TRIT1: variants seen among roughly 807,000 people sequenced by gnomAD.
TRIT1 encodes the protein tRNA dimethylallyltransferase.
A neutral mutation model predicts 51.2 loss-of-function variants in TRIT1; 43 were observed. The ratio of observed to expected loss-of-function variants is 0.84; its 90% CI spans 0.66 to 1.08. The LOEUF is 1.08. Ranked by LOEUF, TRIT1 falls within the 50% of genes least tolerant of loss-of-function variation. The probability of loss-of-function intolerance (pLI) is 0.00; values close to 1 mark genes in which losing one functional copy is unlikely to be tolerated. For missense variants in TRIT1, 528 were observed against 578.4 expected (o/e 0.91, Z 0.89); for synonymous variants, 184 against 203.9 (o/e 0.90, Z 0.83).
At chr1:39,859,682 C>T (rs1401456244) in intron 1 of TRIT1, among the ~76,000 whole-genome samples, 1 of 151,964 alleles carries the variant, frequency 6.6e-6, no homozygotes, top group Non-Finnish European at 1.5e-5. Flanking sequence ...TCTCACAGCC[C>T]TTGGTTGGCT....
intron 1 of TRIT1, among the ~76,000 whole-genome samples, chr1:39,865,659 ACT>A (rs1225584434): frequency 7.6e-6 from 1 of 132,260 alleles, no homozygotes; most frequent in African/African-American, 3.0e-5. Context: ...ACATTGTGAG[ACT>A]CTGTCTCTAC....
intron 8 of TRIT1, among the ~76,000 whole-genome samples, chr1:39,845,685 T>G (rs969006312): frequency 1.7e-4 from 26 of 152,344 alleles, no homozygotes; most frequent in Admixed American, 8.5e-4. Context: ...TTGTTGGGCT[T>G]CTGTGCCCTG....
At chr1:39,845,029 G>A (rs1424877470) in intron 8 of TRIT1, among the ~76,000 whole-genome samples, 1 of 152,192 alleles carries the variant, frequency 6.6e-6, no homozygotes, top group African/African-American at 2.4e-5. Context: ...GGCGATCTGT[G>A]GCAAGAGAAT....
chr1:39,851,679 A>C (rs1273797170), intron 4 of TRIT1, among the ~76,000 whole-genome samples: 1 of 152,170 alleles, frequency 6.6e-6, no homozygotes, highest in East Asian at 1.9e-4. Context: ...ACTGTGGCTC[A>C]TGACTATAAT....
At chr1:39,862,363 A>C in intron 1 of TRIT1, among the ~76,000 whole-genome samples, 1 of 152,264 alleles carries the variant, frequency 6.6e-6, no homozygotes, top group Admixed American at 6.5e-5. Flanking sequence ...CACAATAAGA[A>C]ACTAGTGAAT....
Position 39,838,278 on chromosome 1 carries a change from A to G in TRIT1, c.*3466T>C, listed in dbSNP as rs946532377. 2.1e-4 allele frequency among the ~76,000 whole-genome samples: 32 copies of G among 152,184 alleles called. No homozygotes were observed. The highest frequency in any genetic ancestry group is 7.5e-4 in the African/African-American group (31 of 41,432). ...AATTCCTGCTGGTGGCTATCCCAAA[A>G]TTTCTTCATCCTGGTTAAAAAGTAT... is the stretch of plus-strand genomic sequence containing the variant. On this transcript the variant is annotated 3_prime_UTR_variant, in exon 11 of 11. Coordinates refer to ENST00000316891, the MANE Select transcript of TRIT1 (RefSeq NM_017646.6).
At chr1:39,850,380 C>G (rs914235543) in intron 4 of TRIT1, 119 bp from the exon 5 acceptor site, 1 of 1,283,132 alleles carries the variant, frequency 7.8e-7, no homozygotes, top group Non-Finnish European at 1.1e-6. Context: ...TCTTGAAAGC[C>G]AGTCACGACA....
At chr1:39,843,492 G>A (rs542285697) in intron 10 of TRIT1, among the ~76,000 whole-genome samples, 1 of 152,280 alleles carries the variant, frequency 6.6e-6, no homozygotes, top group African/African-American at 2.4e-5. Context: ...GCCTTAGGGT[G>A]GGGCTGGCCC....
chr1:39,868,854 G>A (rs1643700107), intron 1 of TRIT1, among the ~76,000 whole-genome samples: 1 of 152,068 alleles, frequency 6.6e-6, no homozygotes, highest in Non-Finnish European at 1.5e-5. Context: ...GAGGTCAGGA[G>A]TTCTAGACCA....
At chr1:39,864,683 T>C (rs549597220) in intron 1 of TRIT1, among the ~76,000 whole-genome samples, 1 of 151,976 alleles carries the variant, frequency 6.6e-6, no homozygotes, top group South Asian at 2.1e-4. Context: ...AAATTTCACC[T>C]TGCAGATACT....
At position 39,841,738 on chromosome 1, in the gene TRIT1, T is replaced by G. The variant is rs1641917174; in HGVS notation, c.*6A>C. 6.2e-7 allele frequency: 1 copy of G among 1,606,470 alleles called. No individual in the cohort carries two copies. Among genetic ancestry groups the G allele is most frequent in the East Asian group, 2.2e-5 (1 of 44,736 alleles). The stretch of plus-strand genomic sequence containing the variant: ...CCACCTTTCCAAAGGCCACTGGACA[T>G]GTCTCTTAAACGCTGCATTTCAGCT... On this transcript the variant is annotated 3_prime_UTR_variant, in exon 11 of 11. Coordinates refer to ENST00000316891, the MANE Select transcript of TRIT1 (RefSeq NM_017646.6).
chr1:39,848,827 A>C (rs188308059), intron 5 of TRIT1, among the ~76,000 whole-genome samples: 105 of 144,250 alleles, frequency 7.3e-4, no homozygotes, highest in Non-Finnish European at 1.4e-3. Context: ...TGTCTCAAAC[A>C]AAAAAAAAAG....
At chr1:39,869,618 G>A (rs1643762698) in intron 1 of TRIT1, among the ~76,000 whole-genome samples, 1 of 151,868 alleles carries the variant, frequency 6.6e-6, no homozygotes, top group Non-Finnish European at 1.5e-5. Context: ...GGGAAGTGAG[G>A]AGCGCCTCTT....
chr1:39,866,757 A>G (rs1643580969), intron 1 of TRIT1, among the ~76,000 whole-genome samples: 1 of 152,164 alleles, frequency 6.6e-6, no homozygotes, highest in Non-Finnish European at 1.5e-5. Context: ...GGATCGCTTG[A>G]GCTCAGGAGT....
At chr1:39,878,489 C>G (rs1044548021) in intron 1 of TRIT1, among the ~76,000 whole-genome samples, 2 of 152,262 alleles carry the variant, frequency 1.3e-5, no homozygotes, top group Admixed American at 6.5e-5. Flanking sequence ...GTATGAAGTA[C>G]GAGACAATTT....
Position 39,841,211 on chromosome 1 carries a change from T to C in TRIT1, c.*533A>G, listed in dbSNP as rs1045710014. ...CAGCTTCCTCAGTCTGATTCCCTCC[T>C]TCTCTGTAGAATTCTGAGAACTAGT... On this transcript the variant is annotated 3_prime_UTR_variant, in exon 11 of 11. Transcript: ENST00000316891. 6.6e-6 allele frequency: 1 copy of C among 152,246 alleles called. No homozygotes were observed. 9.4% of individuals were successfully genotyped at this position (152,246 alleles called of 1,614,324 possible).
chr1:39,861,905 G>A (rs1275531399), intron 1 of TRIT1, among the ~76,000 whole-genome samples: 1 of 142,340 alleles, frequency 7.0e-6, no homozygotes, highest in Non-Finnish European at 1.5e-5. Flanking sequence ...GCCTGGGCAA[G>A]AGAGCAAGGC....
intron 1 of TRIT1, among the ~76,000 whole-genome samples, chr1:39,870,474 C>A (rs535418835): frequency 4.0e-5 from 6 of 149,760 alleles, no homozygotes; most frequent in African/African-American, 1.5e-4. Flanking sequence ...CTGCCAAATC[C>A]CCCTCTGCGA....
chr1:39,878,953 A>G (rs1010864559), intron 1 of TRIT1, among the ~76,000 whole-genome samples: 1 of 152,120 alleles, frequency 6.6e-6, no homozygotes, highest in Non-Finnish European at 1.5e-5. Context: ...GCACACTCCT[A>G]AGAAGGATAA....
Sources: allele counts gnomAD v4.1 joint callset (sites outside exome capture counted in the v4.1 genomes callset), GRCh38; gene constraint gnomAD v4.1.1; transcripts MANE v1.5; gene names NCBI Gene and HGNC (gene_info 2026-07-23, HGNC 2026-07-21).